Variants in CLSTN2 observed in about 807,000 individuals in gnomAD.
CLSTN2 encodes the protein calsyntenin-2.
In CLSTN2, 48 loss-of-function variants were observed where a neutral mutation model predicts 101.2. The observed-to-expected ratio is 0.47, with a 90% CI of 0.38 to 0.60. CLSTN2 has a LOEUF of 0.60. Ranked by LOEUF, CLSTN2 falls within the 20% of genes least tolerant of loss-of-function variation. CLSTN2 has a pLI of 0.00. For synonymous variants in CLSTN2, 481 were observed against 463.6 expected (o/e 1.04, Z -0.48); for missense variants, 1,160 against 1,238.2 (o/e 0.94, Z 0.95).
chr3:139,986,339 T>A (rs1270715090), intron 1 of CLSTN2, among the ~76,000 whole-genome samples: 1 of 152,186 alleles, frequency 6.6e-6, no homozygotes, highest in Non-Finnish European at 1.5e-5. Context: ...GCACTAGATA[T>A]TAGGCTTTGT....
intron 2 of CLSTN2, among the ~76,000 whole-genome samples, chr3:140,250,592 G>A (rs941842262): frequency 1.3e-5 from 2 of 152,298 alleles, no homozygotes; most frequent in African/African-American, 4.8e-5. Context: ...AGTGGTGTCA[G>A]AGCTGCTGTC....
chr3:140,365,946 C>T (rs182578529), intron 2 of CLSTN2, among the ~76,000 whole-genome samples: 4,372 of 152,294 alleles, frequency 0.029, 129 homozygotes, highest in Non-Finnish European at 0.036. Flanking sequence ...GGGGACCACG[C>T]TCCAGGGCGT....
At chr3:140,502,719 G>A (rs539245306) in intron 8 of CLSTN2, among the ~76,000 whole-genome samples, 55 of 152,308 alleles carry the variant, frequency 3.6e-4, no homozygotes, top group South Asian at 1.5e-3. Context: ...AGTGGAAGAA[G>A]GAGATGAGAC....
At chr3:140,436,531 A>G (rs995674732) in intron 5 of CLSTN2, among the ~76,000 whole-genome samples, 6 of 152,234 alleles carry the variant, frequency 3.9e-5, no homozygotes, top group African/African-American at 1.4e-4. Flanking sequence ...CAAAGGCACA[A>G]GGTAGGTCTC....
chr3:140,515,558 G>A (rs1387780352), intron 8 of CLSTN2, among the ~76,000 whole-genome samples: 2 of 151,806 alleles, frequency 1.3e-5, no homozygotes, highest in Admixed American at 6.6e-5. Flanking sequence ...AGGTTTCGAT[G>A]GGTTGTATCA....
At chr3:140,064,864 G>A (rs1452845965) in intron 1 of CLSTN2, among the ~76,000 whole-genome samples, 1 of 151,832 alleles carries the variant, frequency 6.6e-6, no homozygotes, top group Non-Finnish European at 1.5e-5. Flanking sequence ...GATGACAAAG[G>A]GAATATCAAA....
At chr3:140,516,635 T>C (rs1200715068) in intron 8 of CLSTN2, among the ~76,000 whole-genome samples, 2 of 152,084 alleles carry the variant, frequency 1.3e-5, no homozygotes, top group Non-Finnish European at 2.9e-5. Flanking sequence ...TATTCTTGGC[T>C]CATAATTATT....
At chr3:140,303,150 A>C (rs2087077067) in intron 2 of CLSTN2, among the ~76,000 whole-genome samples, 2 of 152,238 alleles carry the variant, frequency 1.3e-5, no homozygotes, top group South Asian at 4.1e-4. Flanking sequence ...ACTGTTCACG[A>C]GATGAAACAA....
chr3:140,531,367 A>G (rs1259215736), intron 8 of CLSTN2, among the ~76,000 whole-genome samples: 1 of 152,374 alleles, frequency 6.6e-6, no homozygotes, highest in East Asian at 1.9e-4. Flanking sequence ...AAGATTATTT[A>G]GCATCCCTGT....
chr3:139,981,223 C>T (rs1443165993), intron 1 of CLSTN2, among the ~76,000 whole-genome samples: 1 of 152,100 alleles, frequency 6.6e-6, no homozygotes, highest in Admixed American at 6.6e-5. Flanking sequence ...AATAGTGCAG[C>T]CACCCACCCC....
At chr3:140,056,781 GT>G (rs2008105011) in intron 1 of CLSTN2, among the ~76,000 whole-genome samples, 1 of 152,102 alleles carries the variant, frequency 6.6e-6, no homozygotes, top group Non-Finnish European at 1.5e-5. Context: ...CAAGATATTT[GT>G]GAAAAAAAAT....
intron 1 of CLSTN2, among the ~76,000 whole-genome samples, chr3:140,171,687 T>TATGTATTATATATAATATATA (rs1559797210): frequency 1.8e-5 from 2 of 114,034 alleles, no homozygotes; most frequent in East Asian, 2.2e-4. Flanking sequence ...TTATATATAA[T>TATGTATTATATATAATATATA]ATATATTAAT....
At chr3:140,003,860 C>A (rs2006902972) in intron 1 of CLSTN2, among the ~76,000 whole-genome samples, 1 of 152,098 alleles carries the variant, frequency 6.6e-6, no homozygotes, top group African/African-American at 2.4e-5. Flanking sequence ...ATGTTAATGA[C>A]AATTACTTTA....
intron 2 of CLSTN2, among the ~76,000 whole-genome samples, chr3:140,235,924 A>T (rs944572316): frequency 6.6e-6 from 1 of 152,188 alleles, no homozygotes; most frequent in African/African-American, 2.4e-5. Context: ...CAGCAGTGGG[A>T]ATAAAGCTGG....
chr3:140,508,429 T>C (rs1289473214), intron 8 of CLSTN2: 1 of 152,174 alleles, frequency 6.6e-6, no homozygotes, highest in East Asian at 1.9e-4. Context: ...TGCCAATACA[T>C]ACTAATTGTT....
Position 140,506,913 on chromosome 3 carries a change from A to C in CLSTN2, c.1345-25411A>C, listed in dbSNP as rs564143454. On this transcript the variant is annotated intron_variant, in intron 8 of 16. Coordinates refer to ENST00000458420, the MANE Select transcript of CLSTN2 (RefSeq NM_022131.3). Reference sequence around the variant, plus strand: ...AAATGGCTATATTGGACTAAAGTACAGTATTAAATTCACCTGTTTCTTTTT... The same window carrying C: ...AAATGGCTATATTGGACTAAAGTACCGTATTAAATTCACCTGTTTCTTTTT... 3 of 152,366 alleles carry C rather than the reference A, an allele frequency of 2.0e-5. No individual in the cohort carries two copies. The East Asian group carries it at 5.8e-4, about 29-fold the overall frequency. 9.4% of individuals were successfully genotyped at this position (152,366 alleles called of 1,614,324 possible).
chr3:140,392,948 AG>A (rs1378282524), intron 2 of CLSTN2, among the ~76,000 whole-genome samples: 1 of 152,088 alleles, frequency 6.6e-6, no homozygotes, highest in Non-Finnish European at 1.5e-5. Flanking sequence ...GTCCTGAGAC[AG>A]CATAAGCATA....
chr3:140,049,382 A>G (rs2007943757), intron 1 of CLSTN2, among the ~76,000 whole-genome samples: 1 of 152,224 alleles, frequency 6.6e-6, no homozygotes. Context: ...CTCCCTTCTT[A>G]AATCACCAAT....
At chr3:139,956,247 C>T (rs1035546922) in intron 1 of CLSTN2, among the ~76,000 whole-genome samples, 8 of 152,142 alleles carry the variant, frequency 5.3e-5, no homozygotes, top group African/African-American at 1.9e-4. Context: ...AACATGTTCT[C>T]ATATTTTGTT....
Sources: gnomAD v4.1 joint callset for allele counts (sites outside exome capture counted in the v4.1 genomes callset) on GRCh38, gnomAD v4.1.1 for gene constraint, MANE v1.5 for transcripts, NCBI Gene and HGNC (gene_info 2026-07-23, HGNC 2026-07-21) for gene names.